BUB1B: variants seen among roughly 807,000 people sequenced by gnomAD.
BUB1B encodes BUB1 mitotic checkpoint serine/threonine kinase B.
BUB1B carries 86 observed loss-of-function variants against 137.7 expected under a neutral mutation model. The ratio of observed to expected loss-of-function variants is 0.62; its 90% CI spans 0.52 to 0.75. The LOEUF is 0.75. Ranked by LOEUF, BUB1B falls within the 30% of genes least tolerant of loss-of-function variation. The probability of loss-of-function intolerance (pLI) is 0.00; values close to 1 mark genes in which losing one functional copy is unlikely to be tolerated. For missense variants in BUB1B, 1,130 were observed against 1,236.9 expected, an observed-to-expected ratio of 0.91 and a Z score of 1.30; for synonymous variants, 420 against 417.9, an observed-to-expected ratio of 1.00 and a Z score of -0.06.
In BUB1B at chr15:40,210,172, G is replaced by T; in HGVS notation, c.2347G>T (p.Val783Leu). Residue 783 changes from valine to leucine, a missense_variant, in exon 18 of 23, where the codon GTG becomes TTG. Coordinates refer to ENST00000287598, the MANE Select transcript of BUB1B (RefSeq NM_001211.6). ...LICEDYKLFW[V>L]APRNSAELTV... Reference sequence around the variant, plus strand: ...ATGTGAAGATTACAAGTTATTCTGGGTGGCGCCAAGAAACTCTGCAGAATT... The same window carrying T: ...ATGTGAAGATTACAAGTTATTCTGGTTGGCGCCAAGAAACTCTGCAGAATT... 1.2e-6 allele frequency: 2 copies of T among 1,612,246 alleles called. No individual in the cohort carries two copies. Among genetic ancestry groups the T allele is most frequent in the Non-Finnish European group, 1.7e-6 (2 of 1,178,534 alleles).
At chr15:40,211,787 A>G (rs1276925637) in intron 18 of BUB1B, among the ~76,000 whole-genome samples, 1 of 151,412 alleles carries the variant, frequency 6.6e-6, no homozygotes, top group African/African-American at 2.4e-5. Context: ...CTATGGGAGC[A>G]GAGGAGGGAA....
chr15:40,166,615 C>T (rs2037101874), intron 2 of BUB1B: 2 of 200,382 alleles, frequency 1.0e-5, no homozygotes, highest in Non-Finnish European at 2.1e-5. Context: ...GCTGGGATTA[C>T]AGGCGTGAGC....
In BUB1B at chr15:40,185,585, C is replaced by T. The variant is rs141953425; in HGVS notation, c.1001C>T (p.Pro334Leu). The T allele has an allele frequency of 8.9e-4, 1,442 of 1,614,206 alleles. 1 individual carries two copies. The highest frequency in any genetic ancestry group is 1.2e-3 in the Non-Finnish European group (1,377 of 1,180,042). Reference sequence around the variant, plus strand: ...AATACAGCTTCACTGATAGCTGTACCCGCTGTGCTTCCCAGTTTCACTCCA... The same window carrying T: ...AATACAGCTTCACTGATAGCTGTACTCGCTGTGCTTCCCAGTTTCACTCCA... ...RGNTASLIAV[P>L]AVLPSFTPYV... Residue 334 changes from proline to leucine, a missense_variant, in exon 8 of 23, where the codon CCC becomes CTC. By Grantham distance (98) the Pro-to-Leu change is moderately conservative. Coordinates refer to ENST00000287598, the MANE Select transcript of BUB1B (RefSeq NM_001211.6).
intron 2 of BUB1B, chr15:40,166,252 G>T (rs1052233890): frequency 5.7e-6 from 2 of 352,762 alleles, no homozygotes; most frequent in Admixed American, 4.0e-5. Context: ...TGAATATTTA[G>T]ATTCTTCCAG....
In BUB1B at chr15:40,206,419, G is replaced by A; in HGVS notation, c.1970G>A (p.Gly657Asp). 6.2e-7 allele frequency: 1 copy of A among 1,614,184 alleles called. No individual in the cohort carries two copies. The highest frequency in any genetic ancestry group is 8.5e-7 in the Non-Finnish European group (1 of 1,180,034). Reference sequence around the variant, plus strand: ...TCTGAGGACCAGCAGACAGCTTGTGGCACTATCTACAGTCAGACTCTCAGC... The same window carrying A: ...TCTGAGGACCAGCAGACAGCTTGTGACACTATCTACAGTCAGACTCTCAGC... ...KTSEDQQTACGTIYSQTLSIK... is the reference protein window; with the variant it reads ...KTSEDQQTACDTIYSQTLSIK... Residue 657 changes from glycine to aspartate, a missense_variant, in exon 15 of 23, where the codon GGC becomes GAC. By Grantham distance (94) the Gly-to-Asp change is moderately conservative. Coordinates refer to ENST00000287598, the MANE Select transcript of BUB1B (RefSeq NM_001211.6).
intron 2 of BUB1B, among the ~76,000 whole-genome samples, chr15:40,168,851 T>A (rs187638829): frequency 7.3e-4 from 111 of 152,332 alleles, no homozygotes; most frequent in African/African-American, 2.6e-3. Context: ...TTGAAAAAAC[T>A]GTTTTTCTTT....
intron 8 of BUB1B, among the ~76,000 whole-genome samples, chr15:40,195,185 T>G (rs751341521): frequency 6.6e-6 from 1 of 151,898 alleles, no homozygotes; most frequent in Non-Finnish European, 1.5e-5. Context: ...TTTTTATGGC[T>G]TTGTGTCCTT....
At chr15:40,173,951 G>A in intron 4 of BUB1B, 2 of 432,858 alleles carry the variant, frequency 4.6e-6, no homozygotes, top group East Asian at 7.6e-5. Context: ...AATTGTTTCT[G>A]GAAAACTTCT....
chr15:40,217,981 A>G (rs370927994), intron 21 of BUB1B, among the ~76,000 whole-genome samples: 1 of 152,330 alleles, frequency 6.6e-6, no homozygotes, highest in Non-Finnish European at 1.5e-5. Context: ...AGTCTCTGCT[A>G]TGTGTTTATC....
At chr15:40,177,875 A>G (rs938227311) in intron 5 of BUB1B, among the ~76,000 whole-genome samples, 36 of 151,576 alleles carry the variant, frequency 2.4e-4, no homozygotes, top group African/African-American at 8.2e-4. Flanking sequence ...GTTTGTGGGC[A>G]TAGAGTTGTT....
At chr15:40,177,584 G>A (rs758303908) in intron 5 of BUB1B, among the ~76,000 whole-genome samples, 1 of 151,846 alleles carries the variant, frequency 6.6e-6, no homozygotes. Context: ...ACCGATGTAC[G>A]TGTCTATCCA....
At chr15:40,196,867 T>G in intron 9 of BUB1B, 93 bp downstream of exon 9, 2 of 1,118,480 alleles carry the variant, frequency 1.8e-6, no homozygotes, top group Non-Finnish European at 2.7e-6. Context: ...ACCTTATAGT[T>G]TGTACCTTTG....
At chr15:40,204,726 TC>T (rs1345889628) in intron 14 of BUB1B, among the ~76,000 whole-genome samples, 2 of 151,908 alleles carry the variant, frequency 1.3e-5, no homozygotes, top group African/African-American at 4.8e-5. Flanking sequence ...AGCCTCTGCC[TC>T]CTGTACTCAA....
At chr15:40,207,501 G>T (rs767635464) in intron 15 of BUB1B, among the ~76,000 whole-genome samples, 20 of 151,972 alleles carry the variant, frequency 1.3e-4, no homozygotes, top group Non-Finnish European at 2.8e-4. Context: ...TATTCACATT[G>T]CATGATTTGG....
At chr15:40,212,993 C>G (rs965561500) in intron 19 of BUB1B, among the ~76,000 whole-genome samples, 1 of 152,110 alleles carries the variant, frequency 6.6e-6, no homozygotes, top group Non-Finnish European at 1.5e-5. Flanking sequence ...TCATTTTACT[C>G]TTCGGTTTGT....
chr15:40,185,518 T>C lies in BUB1B; in HGVS notation c.967-33T>C, dbSNP rs754705654. 109 of 1,606,904 alleles carry C rather than the reference T, an allele frequency of 6.8e-5. 7 individuals carry two copies. Among genetic ancestry groups the C allele is most frequent in the Non-Finnish European group, 9.4e-6 (11 of 1,173,618 alleles). ...TATATGCTGTCTGAGAACATAAAAC[T>C]ATGGTAATTTTAGTTTTCTTCTTCA... On this transcript the variant is annotated intron_variant, in intron 7 of 22. Coordinates refer to ENST00000287598, the MANE Select transcript of BUB1B (RefSeq NM_001211.6).
intron 1 of BUB1B, among the ~76,000 whole-genome samples, chr15:40,162,142 A>G (rs2037049532): frequency 6.6e-6 from 1 of 152,224 alleles, no homozygotes; most frequent in Admixed American, 6.5e-5. Flanking sequence ...AGTCTCACTG[A>G]GGAGATGTCA....
intron 22 of BUB1B, among the ~76,000 whole-genome samples, chr15:40,219,590 C>T (rs2037860846): frequency 6.6e-6 from 1 of 152,128 alleles, no homozygotes; most frequent in South Asian, 2.1e-4. Context: ...TGTGGTGGCA[C>T]ATGCCTGTAA....
chr15:40,216,488 A>T (rs898920753), intron 20 of BUB1B, among the ~76,000 whole-genome samples: 1 of 149,086 alleles, frequency 6.7e-6, no homozygotes, highest in Admixed American at 6.7e-5. Context: ...TATATATATA[A>T]AATACATATG....
Sources: gnomAD v4.1 joint callset for allele counts (sites outside exome capture counted in the v4.1 genomes callset) on GRCh38, gnomAD v4.1.1 for gene constraint, MANE v1.5 for transcripts, NCBI Gene and HGNC (gene_info 2026-07-23, HGNC 2026-07-21) for gene names.